The following ANO2 variants were observed in gnomAD, a reference collection of about 807,000 sequenced individuals.
The protein encoded by ANO2 is anoctamin 2.
Under a neutral mutation model 124.2 loss-of-function variants are expected in ANO2, and 101 were observed. The observed-to-expected ratio is 0.81, with a 90% CI of 0.69 to 0.96. The LOEUF (loss-of-function observed/expected upper bound fraction) is 0.96. ANO2 is among the 40% of genes least tolerant of loss of function. The pLI, the probability that ANO2 is intolerant of heterozygous loss-of-function variation, is 0.00. For missense variants in ANO2, 1,293 were observed against 1,274.5 expected, an observed-to-expected ratio of 1.01 and a Z score of -0.22; for synonymous variants, 486 against 482.5, an observed-to-expected ratio of 1.01 and a Z score of -0.09.
chr12:5,602,145 T>C (rs1943971650), intron 19 of ANO2, among the ~76,000 whole-genome samples: 1 of 151,654 alleles, frequency 6.6e-6, no homozygotes, highest in Non-Finnish European at 1.5e-5. Context: ...ATGAATTCAA[T>C]AAAATGACAG....
chr12:5,682,302 T>G (rs1481189287), intron 14 of ANO2, among the ~76,000 whole-genome samples: 1 of 152,036 alleles, frequency 6.6e-6, no homozygotes, highest in African/African-American at 2.4e-5. Context: ...AGTTATAAAC[T>G]ATATTCTCTG....
intron 15 of ANO2, among the ~76,000 whole-genome samples, chr12:5,639,881 G>A (rs393861): frequency 0.44 from 66,386 of 151,966 alleles, 15,736 homozygotes; most frequent in Middle Eastern, 0.58. Flanking sequence ...TATGATGAGA[G>A]TCCAGGCTGT....
chr12:5,689,451 C>G (rs985409916), intron 14 of ANO2, among the ~76,000 whole-genome samples: 1 of 152,128 alleles, frequency 6.6e-6, no homozygotes. Context: ...TTGGTGAAAT[C>G]TAGGATCTGC....
chr12:5,870,990 T>A (rs1937655503), intron 3 of ANO2, among the ~76,000 whole-genome samples: 1 of 152,194 alleles, frequency 6.6e-6, no homozygotes, highest in African/African-American at 2.4e-5. Context: ...ACAGAATCAG[T>A]ATATTAAGTA....
Position 5,922,696 on chromosome 12 carries a change from C to T in ANO2, c.131G>A (p.Arg44Gln), listed in dbSNP as rs764740447. The T allele has an allele frequency of 7.8e-5, 124 of 1,587,368 alleles. No homozygotes were observed. The highest frequency in any genetic ancestry group is 4.9e-4 in the South Asian group (43 of 86,954). The stretch of plus-strand genomic sequence containing the variant: ...GGAACCGCCCTGCAGACCTGGGGCC[C>T]GGGGACCTGGCATCTTGAGACACTG... Reference protein sequence around the residue: ...GQQCLKMPGPRAPGLQGGSNR... With the variant: ...GQQCLKMPGPQAPGLQGGSNR... Residue 44 changes from arginine (R) to glutamine (Q), a missense_variant, in exon 2 of 25, where the codon CGG becomes CAG. Physicochemically the swap from Arg to Gln is conservative, Grantham distance 43. Transcript: ENST00000682330.
At chr12:5,637,395 C>A (rs1448741142) in intron 15 of ANO2, among the ~76,000 whole-genome samples, 1 of 150,246 alleles carries the variant, frequency 6.7e-6, no homozygotes, top group South Asian at 2.1e-4. Flanking sequence ...GATTGGGAGA[C>A]GGACTAGGGG....
At chr12:5,844,052 A>C (rs1049862008) in intron 4 of ANO2, among the ~76,000 whole-genome samples, 1 of 152,224 alleles carries the variant, frequency 6.6e-6, no homozygotes, top group African/African-American at 2.4e-5. Context: ...GGGCTGAAGG[A>C]ATAAAGAAAG....
At chr12:5,870,540 T>C (rs1955546132) in intron 3 of ANO2, 1 of 152,264 alleles carries the variant, frequency 6.6e-6, no homozygotes, top group Non-Finnish European at 1.5e-5. Context: ...CATGAAGAAC[T>C]AGCCTTAATC....
At chr12:5,921,914 G>A (rs747777235) in intron 2 of ANO2, among the ~76,000 whole-genome samples, 2 of 152,134 alleles carry the variant, frequency 1.3e-5, no homozygotes, top group African/African-American at 2.4e-5. Context: ...TCTGCCTGCA[G>A]ATACACTATA....
chr12:5,926,505 T>C (rs1256919811), intron 1 of ANO2, among the ~76,000 whole-genome samples: 1 of 152,128 alleles, frequency 6.6e-6, no homozygotes, highest in Non-Finnish European at 1.5e-5. Context: ...GGTCCCGCCA[T>C]ACACCTCTGC....
At chr12:5,906,919 A>G (rs1940742938) in intron 3 of ANO2, among the ~76,000 whole-genome samples, 1 of 152,248 alleles carries the variant, frequency 6.6e-6, no homozygotes, top group Admixed American at 6.5e-5. Context: ...TAGAAGGTGT[A>G]CTAGGTGCTT....
intron 16 of ANO2, among the ~76,000 whole-genome samples, chr12:5,615,902 G>A (rs1401914430): frequency 6.6e-6 from 1 of 152,122 alleles, no homozygotes; most frequent in East Asian, 1.9e-4. Context: ...GCTTGTCATA[G>A]ACAAGATGAG....
chr12:5,610,040 TATAA>T (rs1040980958), intron 19 of ANO2, among the ~76,000 whole-genome samples: 2 of 137,478 alleles, frequency 1.5e-5, no homozygotes, highest in African/African-American at 2.7e-5. Flanking sequence ...TATAGATAAA[TATAA>T]ATATATTATA....
chr12:5,725,587 G>T (rs897785931), intron 14 of ANO2, among the ~76,000 whole-genome samples: 3 of 152,140 alleles, frequency 2.0e-5, no homozygotes, highest in African/African-American at 7.2e-5. Flanking sequence ...TGGGAGCCTG[G>T]GGGGCAGAAA....
At chr12:5,619,945 T>C (rs192218485) in intron 16 of ANO2, among the ~76,000 whole-genome samples, 2 of 152,330 alleles carry the variant, frequency 1.3e-5, no homozygotes, top group Admixed American at 6.5e-5. Context: ...TCGTAAAGTA[T>C]GGACACTGTT....
chr12:5,662,646 A>G (rs1386677936), intron 14 of ANO2, among the ~76,000 whole-genome samples: 1 of 152,206 alleles, frequency 6.6e-6, no homozygotes, highest in Non-Finnish European at 1.5e-5. Context: ...GGCAGAAGAA[A>G]CCATTTTCAG....
rs550078524 is a variant in ANO2, at chr12:5,757,154, G to A, written c.1056-6184C>T. On this transcript the variant is annotated intron_variant, in intron 10 of 24. Transcript: ENST00000682330. The stretch of plus-strand genomic sequence containing the variant: ...CAGAGCTCTCATAAAGGTCTATTTT[G>A]TATATAGATGGTTGCTAAACAGGTG... Among the ~76,000 whole-genome samples, 5 of 152,332 alleles carry A rather than the reference G, an allele frequency of 3.3e-5. No individual in the cohort carries two copies. In the East Asian group the frequency reaches 5.8e-4, roughly 18 times the overall value.
At chr12:5,609,869 G>GTATATATA (rs10677018) in intron 19 of ANO2, among the ~76,000 whole-genome samples, 1 of 144,378 alleles carries the variant, frequency 6.9e-6, no homozygotes, top group African/African-American at 2.5e-5. Flanking sequence ...TTTAGAAAAT[G>GTATATATA]TATATATATA....
At chr12:5,867,620 T>C (rs1446386266) in intron 3 of ANO2, among the ~76,000 whole-genome samples, 2 of 152,150 alleles carry the variant, frequency 1.3e-5, no homozygotes, top group African/African-American at 4.8e-5. Context: ...ACAAGTCCCA[T>C]GGCTCTGGCT....
Sources: allele counts gnomAD v4.1 joint callset (sites outside exome capture counted in the v4.1 genomes callset), GRCh38; gene constraint gnomAD v4.1.1; transcripts MANE v1.5; gene names NCBI Gene and HGNC (gene_info 2026-07-23, HGNC 2026-07-21).